The following CDK19 variants were observed in gnomAD, a reference collection of about 807,000 sequenced individuals.
CDK19 encodes the protein cyclin dependent kinase 19, also known as cyclin-dependent kinase 19.
Under a neutral mutation model 68.3 loss-of-function variants are expected in CDK19, and 20 were observed. The ratio of observed to expected loss-of-function variants is 0.29; its 90% CI spans 0.21 to 0.43. The LOEUF is 0.43. CDK19 is among the 20% of genes least tolerant of loss of function. The probability of loss-of-function intolerance (pLI) is 1.00; values close to 1 mark genes in which losing one functional copy is unlikely to be tolerated. For synonymous variants in CDK19, 221 were observed against 222.8 expected (o/e 0.99, Z 0.07); for missense variants, 339 against 623.5 (o/e 0.54, Z 4.86).
intron 1 of CDK19, among the ~76,000 whole-genome samples, chr6:110,811,693 C>G (rs1010761011): frequency 6.6e-6 from 1 of 152,014 alleles, no homozygotes; most frequent in Non-Finnish European, 1.5e-5. Flanking sequence ...TGAATTCTTG[C>G]TTGTATTAAA....
At chr6:110,646,240 T>C in intron 4 of CDK19, 1 of 1,488,914 alleles carries the variant, frequency 6.7e-7, no homozygotes, top group Non-Finnish European at 8.9e-7. Context: ...CTGCTGGCTC[T>C]GTGGCCGTTC....
chr6:110,618,095 C>A (rs1393388411), intron 12 of CDK19, among the ~76,000 whole-genome samples: 1 of 151,960 alleles, frequency 6.6e-6, no homozygotes, highest in Non-Finnish European at 1.5e-5. Context: ...TTAAAGAAAC[C>A]CATAAAGATA....
Position 110,666,424 on chromosome 6 carries a change from CAAAAAAAAAAAA to C in CDK19, c.456+998_456+1009del, listed in dbSNP as rs57791161. Among the ~76,000 whole-genome samples, 353 of 47,934 alleles carry C rather than the reference CAAAAAAAAAAAA, an allele frequency of 7.4e-3. 4 individuals carry two copies. The highest frequency in any genetic ancestry group is 0.011 in the Admixed American group (31 of 2,944). The allele number at this position is 47,934 out of a possible 152,430, so 31.4% of individuals were successfully genotyped here. On this transcript the variant is annotated intron_variant, in intron 4 of 12. Transcript: ENST00000368911. ...TGGGCGACAGAGAGAGACTCTGTCT[CAAAAAAAAAAAA>C]AAAAAAAAAAAAAAAAAATTATAAG...
At chr6:110,623,263 AT>A in intron 9 of CDK19, 26 bp downstream of exon 9, 1 of 1,593,470 alleles carries the variant, frequency 6.3e-7, no homozygotes, top group Non-Finnish European at 8.6e-7. Context: ...TGAGAATCAG[AT>A]TTTAGTCTGG....
intron 1 of CDK19, among the ~76,000 whole-genome samples, chr6:110,751,449 C>T (rs1406259349): frequency 1.3e-5 from 2 of 152,016 alleles, no homozygotes; most frequent in Non-Finnish European, 2.9e-5. Flanking sequence ...TCTCCCATCA[C>T]CCCCAGATGG....
chr6:110,762,404 C>T lies in CDK19; in HGVS notation c.129-16203G>A, dbSNP rs118014562. 4.5e-3 allele frequency among the ~76,000 whole-genome samples: 689 copies of T among 152,280 alleles called. 8 individuals are homozygous for T. The highest frequency in any genetic ancestry group is 0.044 in the East Asian group (227 of 5,178). On this transcript the variant is annotated intron_variant, in intron 1 of 12. Transcript: ENST00000368911. ...TGCATTCACCAAGCATGTGTATGCA[C>T]TATACAAGTAGCATTCATCATATAC... is the stretch of plus-strand genomic sequence containing the variant.
chr6:110,623,378 C>CAA lies in CDK19; in HGVS notation c.861-17_861-16insTT, dbSNP rs1419018281. 6.2e-7 allele frequency: 1 copy of CAA among 1,611,932 alleles called. No individual in the cohort carries two copies. Among genetic ancestry groups the CAA allele is most frequent in the East Asian group, 2.2e-5 (1 of 44,818 alleles). On this transcript the variant is annotated splice_polypyrimidine_tract_variant and intron_variant, in intron 8 of 12. Transcript: ENST00000368911. ...GTTGGCATACCTGCAAGGACACGCA[C>CAA]AGTCACACATCACTGGGAACACTCA...
chr6:110,646,579 T>A, intron 4 of CDK19: 8 of 788,608 alleles, frequency 1.0e-5, no homozygotes, highest in Admixed American at 3.5e-5. Context: ...CTGCAGGGGG[T>A]CAACCGGGCC....
At chr6:110,653,710 A>G (rs1781124269) in intron 4 of CDK19, among the ~76,000 whole-genome samples, 1 of 152,252 alleles carries the variant, frequency 6.6e-6, no homozygotes, top group Non-Finnish European at 1.5e-5. Flanking sequence ...AAATAATGTG[A>G]TAAGTAATAT....
intron 1 of CDK19, among the ~76,000 whole-genome samples, chr6:110,793,757 T>G (rs1461463579): frequency 1.3e-5 from 2 of 152,140 alleles, no homozygotes; most frequent in East Asian, 3.9e-4. Context: ...CTTTCAGCCT[T>G]TGCCTCTTCC....
rs566320736 is a variant in CDK19, at chr6:110,774,706, T to C, written c.129-28505A>G. Among the ~76,000 whole-genome samples the C allele has an allele frequency of 2.6e-5, 4 of 152,298 alleles. No homozygotes were observed. In the South Asian group the frequency reaches 8.3e-4, roughly 32 times the overall value. On this transcript the variant is annotated intron_variant, in intron 1 of 12. Coordinates refer to ENST00000368911, the MANE Select transcript of CDK19 (RefSeq NM_015076.5). ...GGGTCATGCCTGTAATCCCATCACT[T>C]TGGGAAGCCAAGGCCGGTGGATTGC...
intron 1 of CDK19, among the ~76,000 whole-genome samples, chr6:110,748,599 G>A (rs1437333417): frequency 1.3e-5 from 2 of 152,258 alleles, no homozygotes; most frequent in Non-Finnish European, 2.9e-5. Flanking sequence ...ATATGAAGAA[G>A]TTGCAAGGTC....
intron 4 of CDK19, among the ~76,000 whole-genome samples, chr6:110,644,518 T>C (rs1780421289): frequency 6.6e-6 from 1 of 152,164 alleles, no homozygotes; most frequent in Admixed American, 6.5e-5. Flanking sequence ...AAGAGTATAA[T>C]TGGATTGTTT....
intron 2 of CDK19, among the ~76,000 whole-genome samples, chr6:110,742,223 C>A (rs183148835): frequency 6.6e-6 from 1 of 152,280 alleles, no homozygotes. Context: ...TAATTTATTA[C>A]ACCTGTCTTT....
At chr6:110,751,472 G>A (rs912316774) in intron 1 of CDK19, among the ~76,000 whole-genome samples, 5 of 152,054 alleles carry the variant, frequency 3.3e-5, no homozygotes, top group Admixed American at 1.3e-4. Context: ...CCATCTAGTT[G>A]CAGGAAAGCA....
intron 2 of CDK19, among the ~76,000 whole-genome samples, chr6:110,690,365 T>C (rs533662777): frequency 9.2e-5 from 14 of 152,172 alleles, no homozygotes; most frequent in Non-Finnish European, 1.5e-4. Context: ...AGGAGATAGA[T>C]AGCTTCCCTG....
chr6:110,664,170 C>T (rs1212298867), intron 4 of CDK19, among the ~76,000 whole-genome samples: 4 of 152,164 alleles, frequency 2.6e-5, no homozygotes, highest in Non-Finnish European at 5.9e-5. Flanking sequence ...ACCAGAACTG[C>T]ACATCCTTTC....
intron 1 of CDK19, among the ~76,000 whole-genome samples, chr6:110,796,573 C>T (rs1781950510): frequency 6.6e-6 from 1 of 152,072 alleles, no homozygotes; most frequent in African/African-American, 2.4e-5. Context: ...GGCTTCAGCC[C>T]AGGAGGCAGA....
At chr6:110,784,378 A>G (rs1179663353) in intron 1 of CDK19, among the ~76,000 whole-genome samples, 2 of 152,188 alleles carry the variant, frequency 1.3e-5, no homozygotes, top group Non-Finnish European at 1.5e-5. Flanking sequence ...AAGCACATGA[A>G]AAAATGCTCA....
Sources: gnomAD v4.1 joint callset for allele counts (sites outside exome capture counted in the v4.1 genomes callset) on GRCh38, gnomAD v4.1.1 for gene constraint, MANE v1.5 for transcripts, NCBI Gene and HGNC (gene_info 2026-07-23, HGNC 2026-07-21) for gene names.